CLIC6: variants seen among roughly 807,000 people sequenced by gnomAD.
The protein encoded by CLIC6 is chloride intracellular channel protein 6.
Under a neutral mutation model 49.2 loss-of-function variants are expected in CLIC6, and 39 were observed. That is an observed-to-expected ratio of 0.79 (90% confidence interval 0.61 to 1.04). The LOEUF is 1.04. Among genes scored for constraint, CLIC6 ranks in the 50% least tolerant of loss-of-function variants. CLIC6 has a pLI of 0.00. For missense variants in CLIC6, 988 were observed against 993.1 expected (o/e 0.99, Z 0.07); for synonymous variants, 446 against 433.4 (o/e 1.03, Z -0.36).
At chr21:34,676,967 A>G (rs552342271) in intron 1 of CLIC6, among the ~76,000 whole-genome samples, 61 of 151,314 alleles carry the variant, frequency 4.0e-4, no homozygotes, top group African/African-American at 1.4e-3. Flanking sequence ...TGGGCCCTAT[A>G]TCTGGGCATA....
intron 1 of CLIC6, among the ~76,000 whole-genome samples, chr21:34,680,712 G>C (rs983116985): frequency 6.6e-6 from 1 of 152,160 alleles, no homozygotes; most frequent in Non-Finnish European, 1.5e-5. Context: ...CTTTGCTAAA[G>C]CAAAACAAGA....
chr21:34,682,289 A>T (rs1015604670), intron 1 of CLIC6, among the ~76,000 whole-genome samples: 1 of 152,236 alleles, frequency 6.6e-6, no homozygotes, highest in African/African-American at 2.4e-5. Flanking sequence ...TATCAGTGCC[A>T]TGCTTATTTC....
chr21:34,716,583 T>C lies in CLIC6; in HGVS notation c.*101T>C. ...GGTTTGGGTTCAATTCCTTCAATTT[T>C]TAAAAAACTGGTCTCTGAGAGTTTT... is the stretch of plus-strand genomic sequence containing the variant. On this transcript the variant is annotated 3_prime_UTR_variant, in exon 6 of 6. Coordinates refer to ENST00000349499, the MANE Select transcript of CLIC6 (RefSeq NM_053277.3). 1.1e-6 allele frequency: 1 copy of C among 900,378 alleles called. No individual in the cohort carries two copies. The highest frequency in any genetic ancestry group is 2.4e-5 in the South Asian group (1 of 41,044). 55.8% of individuals were successfully genotyped at this position (900,378 alleles called of 1,614,324 possible).
chr21:34,670,402 G>A lies in CLIC6; in HGVS notation c.1014G>A (p.Gly338=). 2 of 1,461,538 alleles carry A rather than the reference G, an allele frequency of 1.4e-6. No homozygotes were observed. Among genetic ancestry groups the A allele is most frequent in the Non-Finnish European group, 1.8e-6 (2 of 1,107,636 alleles). The allele number at this position is 1,461,538 out of a possible 1,614,324, so 90.5% of individuals were successfully genotyped here. ...WDAAEEAEVP[G]VKGSEEAAPG... is the part of the protein sequence containing the mutation. ...CAGCGGAGGAGGCGGAGGTCCCGGG[G>A]GTAAAGGGGTCCGAAGAAGCGGCCC... The change falls in exon 1 of 6, where the codon GGG becomes GGA. Residue 338 remains glycine (G), a synonymous_variant. Transcript: ENST00000349499.
rs138104123 is a variant in CLIC6, at chr21:34,682,574, A to G, written c.1374+11812A>G. Among the ~76,000 whole-genome samples the G allele has an allele frequency of 8.7e-3, 1,323 of 152,086 alleles. 23 individuals carry two copies. The highest frequency in any genetic ancestry group is 0.03 in the African/African-American group (1,244 of 41,472). On this transcript the variant is annotated intron_variant, in intron 1 of 5. Coordinates refer to ENST00000349499, the MANE Select transcript of CLIC6 (RefSeq NM_053277.3). ...GACTTTTGTCTGTCACATGTGTTCCATATATTTTTATAAGAGTGTGCTGAC... is the reference window on the plus strand; with the variant it reads ...GACTTTTGTCTGTCACATGTGTTCCGTATATTTTTATAAGAGTGTGCTGAC...
rs139892312 is a variant in CLIC6, at chr21:34,713,502, T to A, written c.1900-2819T>A. On this transcript the variant is annotated intron_variant, in intron 5 of 5. Coordinates refer to ENST00000349499, the MANE Select transcript of CLIC6 (RefSeq NM_053277.3). Reference sequence around the variant, plus strand: ...TTTCCTCTGACATTCGCACACATCTTATAGAGTTGGTTTTGGCATGTGGAA... The same window carrying A: ...TTTCCTCTGACATTCGCACACATCTAATAGAGTTGGTTTTGGCATGTGGAA... 4.9e-3 allele frequency among the ~76,000 whole-genome samples: 746 copies of A among 152,272 alleles called. 9 individuals are homozygous for A. The highest frequency in any genetic ancestry group is 0.017 in the African/African-American group (708 of 41,534).
rs187670208 is a variant in CLIC6, at chr21:34,670,702, C to A, written c.1314C>A (p.Asp438Glu). The A allele has an allele frequency of 1.2e-3, 1,862 of 1,591,054 alleles. 27 individuals are homozygous for A. In the African/African-American group the frequency reaches 0.021, roughly 18 times the overall value. The change falls in exon 1 of 6, where the codon GAC becomes GAA. Residue 438 changes from aspartate (D) to glutamate (E), a missense_variant. Asp to Glu is a conservative substitution (Grantham distance 45). Around this residue, in one of 3 missense-constraint regions of CLIC6, gnomAD observed 647 missense variants for 596.9 expected, o/e 1.08. Transcript: ENST00000349499. ...EAARVNGRRE[D>E]GEASEPRALG... ...CGCGCGTGAACGGCCGCCGGGAGGA[C>A]GGAGAGGCGTCCGAGCCCCGGGCCC...
chr21:34,702,370 G>T (rs1234339976), intron 1 of CLIC6, among the ~76,000 whole-genome samples: 1 of 152,020 alleles, frequency 6.6e-6, no homozygotes, highest in East Asian at 1.9e-4. Flanking sequence ...GCGTGGGGGC[G>T]CAGGCTGGGG....
chr21:34,682,307 T>C (rs185947590), intron 1 of CLIC6, among the ~76,000 whole-genome samples: 1 of 152,350 alleles, frequency 6.6e-6, no homozygotes, highest in Admixed American at 6.5e-5. Context: ...TTCCACAAAC[T>C]TCTCTGCTGA....
intron 1 of CLIC6, among the ~76,000 whole-genome samples, chr21:34,702,103 A>T (rs1990201694): frequency 6.6e-6 from 1 of 152,184 alleles, no homozygotes; most frequent in African/African-American, 2.4e-5. Flanking sequence ...CATGGGAGCC[A>T]CTGGATTCAG....
intron 1 of CLIC6, among the ~76,000 whole-genome samples, chr21:34,682,032 G>A (rs541434556): frequency 6.6e-6 from 1 of 152,126 alleles, no homozygotes; most frequent in Non-Finnish European, 1.5e-5. Flanking sequence ...AAATGTCATA[G>A]TATTCTGGTG....
At chr21:34,708,827 T>C (rs2056035669) in intron 4 of CLIC6, 21 bp downstream of exon 4, 5 of 1,556,654 alleles carry the variant, frequency 3.2e-6, no homozygotes, top group Non-Finnish European at 4.4e-6. Flanking sequence ...CCCATCCTCC[T>C]GTTTTGTTTC....
intron 1 of CLIC6, among the ~76,000 whole-genome samples, chr21:34,678,679 T>C (rs2093461639): frequency 1.3e-5 from 2 of 152,210 alleles, no homozygotes; most frequent in Admixed American, 1.3e-4. Flanking sequence ...TTTTGATTTA[T>C]ATAAAGTCAA....
intron 3 of CLIC6, 117 bp from the exon 4 acceptor site, chr21:34,708,583 C>T (rs1219530440): frequency 8.4e-6 from 6 of 712,004 alleles, no homozygotes; most frequent in South Asian, 3.6e-5. Flanking sequence ...GTCAGGAAAA[C>T]GTTGAAGGAA....
chr21:34,701,258 C>T (rs1990184359), intron 1 of CLIC6, among the ~76,000 whole-genome samples: 1 of 137,296 alleles, frequency 7.3e-6, no homozygotes, highest in African/African-American at 2.9e-5. Context: ...GCCGAGATTG[C>T]GCCACTGCAG....
intron 3 of CLIC6, 138 bp downstream of exon 3, chr21:34,708,207 T>C: frequency 9.9e-7 from 1 of 1,012,904 alleles, no homozygotes; most frequent in Non-Finnish European, 1.5e-6. Flanking sequence ...ATAACCCTGG[T>C]GTAACCAGAT....
chr21:34,670,566 C>A lies in CLIC6; in HGVS notation c.1178C>A (p.Ser393Tyr), dbSNP rs1446830182. 5 of 1,506,284 alleles carry A rather than the reference C, an allele frequency of 3.3e-6. No individual in the cohort carries two copies. In the African/African-American group the frequency reaches 5.6e-5, roughly 17 times the overall value. 93.3% of individuals were successfully genotyped at this position (1,506,284 alleles called of 1,614,324 possible). A position where few individuals can be genotyped will look rare whatever the true frequency, so the allele number is the denominator to read the frequency against. Residue 393 changes from serine (S) to tyrosine (Y), a missense_variant, in exon 1 of 6, where the codon TCC becomes TAC. Physicochemically the swap from Ser to Tyr is moderately radical, Grantham distance 144. Around this residue, in one of 3 missense-constraint regions of CLIC6, gnomAD observed 647 missense variants for 596.9 expected, o/e 1.08. Coordinates refer to ENST00000349499, the MANE Select transcript of CLIC6 (RefSeq NM_053277.3). ...EEEAAGGEEE[S>Y]PDSSPHGEAS... The stretch of plus-strand genomic sequence containing the variant: ...GAAGCAGCGGGGGGCGAAGAGGAAT[C>A]CCCCGACAGCAGCCCACATGGGGAG...
In CLIC6 at chr21:34,670,115, G is replaced by A. The variant is rs1989516233; in HGVS notation, c.727G>A (p.Glu243Lys). ...EGPAGDSVDA[E>K]GRVGDSVEAG... ...TCCGGCGGGGGACAGCGTAGACGCG[G>A]AGGGCCGGGTGGGGGACAGCGTAGA... The change falls in exon 1 of 6, where the codon GAG (glutamate) becomes AAG (lysine). Residue 243 changes from glutamate to lysine, a missense_variant. This residue lies in a region of CLIC6 where 57 missense variants were observed against 117.6 expected (regional missense o/e 0.48). Transcript: ENST00000349499. The A allele has an allele frequency of 3.6e-6, 5 of 1,388,590 alleles. No individual in the cohort carries two copies. The South Asian group carries it at 6.5e-5, about 18-fold the overall frequency. 86.0% of individuals were successfully genotyped at this position (1,388,590 alleles called of 1,614,324 possible).
In CLIC6 at chr21:34,709,490, G is replaced by C. The variant is rs780413051; in HGVS notation, c.1851G>C (p.Glu617Asp). ...GAAGGAAGTTTCTGGATGGGGACGA[G>C]CTGACGCTGGCTGACTGCAACCTCT... Reference protein sequence around the residue: ...VSGRKFLDGDELTLADCNLLP... With the variant: ...VSGRKFLDGDDLTLADCNLLP... Residue 617 changes from glutamate (E) to aspartate (D), a missense_variant, in exon 5 of 6, where the codon GAG (glutamate) becomes GAC (aspartate). Coordinates refer to ENST00000349499, the MANE Select transcript of CLIC6 (RefSeq NM_053277.3). 1 of 1,613,976 alleles carries C rather than the reference G, an allele frequency of 6.2e-7. No homozygotes were observed. The highest frequency in any genetic ancestry group is 8.5e-7 in the Non-Finnish European group (1 of 1,179,868).
Sources: allele counts gnomAD v4.1 joint callset (sites outside exome capture counted in the v4.1 genomes callset), GRCh38; gene constraint gnomAD v4.1.1; regional missense constraint gnomAD v4.1.1; transcripts MANE v1.5; gene names NCBI Gene and HGNC (gene_info 2026-07-23, HGNC 2026-07-21).